Variants in OSBPL3 observed in about 807,000 individuals in gnomAD.
OSBPL3 encodes oxysterol-binding protein-related protein 3.
OSBPL3 carries 65 observed loss-of-function variants against 120.1 expected under a neutral mutation model. The observed-to-expected ratio is 0.54, with a 90% CI of 0.44 to 0.67. OSBPL3 has a LOEUF of 0.67. OSBPL3 is among the 30% of genes least tolerant of loss of function. The pLI, the probability that OSBPL3 is intolerant of heterozygous loss-of-function variation, is 0.00. For missense variants in OSBPL3, 1,004 were observed against 1,082.1 expected (o/e 0.93, Z 1.01); for synonymous variants, 416 against 402.6 (o/e 1.03, Z -0.40).
chr7:24,917,560 G>A (rs1003576909), intron 1 of OSBPL3, among the ~76,000 whole-genome samples: 26 of 151,394 alleles, frequency 1.7e-4, no homozygotes, highest in Non-Finnish European at 1.2e-4. Context: ...AGTTCTTAGA[G>A]AACAGACACA....
In OSBPL3 at chr7:24,936,527, T is replaced by A. The variant is rs373756721; in HGVS notation, c.-150+43359A>T. Among the ~76,000 whole-genome samples, 5 of 152,274 alleles carry A rather than the reference T, an allele frequency of 3.3e-5. No individual in the cohort carries two copies. The East Asian group carries it at 9.6e-4, about 29-fold the overall frequency. On this transcript the variant is annotated intron_variant, in intron 1 of 22. Transcript: ENST00000313367. This position sits in a 1 kb window ranked among gnomAD's most constrained non-coding sequence, Gnocchi z 4.2. ...GGAGAAGTAAACAGCCAATTCTGTCTAGGAGTGGGAAAGCAGAATGACTCT... is the reference window on the plus strand; with the variant it reads ...GGAGAAGTAAACAGCCAATTCTGTCAAGGAGTGGGAAAGCAGAATGACTCT...
At chr7:24,837,897 G>C (rs1416566806) in intron 14 of OSBPL3, among the ~76,000 whole-genome samples, 1 of 152,112 alleles carries the variant, frequency 6.6e-6, no homozygotes, top group African/African-American at 2.4e-5. Context: ...CATAGAGACA[G>C]GTCCTAATAT....
In OSBPL3 at chr7:24,804,502, C is replaced by G; in HGVS notation, c.2445-65G>C. 1 of 1,502,536 alleles carries G rather than the reference C, an allele frequency of 6.7e-7. No individual in the cohort carries two copies. The highest frequency in any genetic ancestry group is 1.2e-5 in the South Asian group (1 of 85,072). 93.1% of individuals were successfully genotyped at this position (1,502,536 alleles called of 1,614,324 possible). ...CAAGAAAACAAAACAATCATTACTA[C>G]TCAACTTGCATGTGTCCACGACTGG... On this transcript the variant is annotated intron_variant, in intron 21 of 22. Coordinates refer to ENST00000313367, the MANE Select transcript of OSBPL3 (RefSeq NM_015550.4). The surrounding 1 kb of genome is among the most constrained non-coding windows in gnomAD (Gnocchi z 5.4).
At chr7:24,906,165 G>A (rs1040945396) in intron 1 of OSBPL3, 10 of 198,392 alleles carry the variant, frequency 5.0e-5, no homozygotes, top group Middle Eastern at 1.5e-3. Flanking sequence ...GCATCATCAC[G>A]GAGCAGGTAG....
chr7:24,864,075 A>G (rs2128256293), intron 7 of OSBPL3, among the ~76,000 whole-genome samples: 1 of 152,328 alleles, frequency 6.6e-6, no homozygotes, highest in South Asian at 2.1e-4. Flanking sequence ...ATGCACATTA[A>G]TAAAACTAAA....
At chr7:24,828,606 G>GAAGAAAAAAAAAAAAAAAAAAA (rs1554349905) in intron 16 of OSBPL3, among the ~76,000 whole-genome samples, 1 of 32,522 alleles carries the variant, frequency 3.1e-5, no homozygotes. Context: ...GACTCTGTCT[G>GAAGAAAAAAAAAAAAAAAAAAA]AAAAAAAAAA....
rs1018043387 is a variant in OSBPL3, at chr7:24,802,383, G to A, written c.2567+1932C>T. On this transcript the variant is annotated intron_variant, in intron 22 of 22. Coordinates refer to ENST00000313367, the MANE Select transcript of OSBPL3 (RefSeq NM_015550.4). The surrounding 1 kb of genome is among the most constrained non-coding windows in gnomAD (Gnocchi z 4.1). ...GGACTGCTACTGCTGAACAACTCTC[G>A]CTCTTTCTCCAATTGAAAAAAATTT... Among the ~76,000 whole-genome samples, 1 of 152,054 alleles carries A rather than the reference G, an allele frequency of 6.6e-6. No individual in the cohort carries two copies. The highest frequency in any genetic ancestry group is 2.4e-5 in the African/African-American group (1 of 41,366).
Position 24,800,165 on chromosome 7 carries a change from T to A in OSBPL3, c.*18A>T, listed in dbSNP as rs764695475. On this transcript the variant is annotated 3_prime_UTR_variant, in exon 23 of 23. Coordinates refer to ENST00000313367, the MANE Select transcript of OSBPL3 (RefSeq NM_015550.4). ...GCACAGGAGAAATACACTAATGTTA[T>A]CTTTCTTCTTTACTTTTTCACCATA... 61 of 1,410,890 alleles carry A rather than the reference T, an allele frequency of 4.3e-5. No homozygotes were observed. The highest frequency in any genetic ancestry group is 5.6e-5 in the Non-Finnish European group (56 of 995,156). 87.4% of individuals were successfully genotyped at this position (1,410,890 alleles called of 1,614,324 possible). A position where few individuals can be genotyped will look rare whatever the true frequency, so the allele number is the denominator to read the frequency against.
chr7:24,867,511 T>C lies in OSBPL3; in HGVS notation c.382-1274A>G, dbSNP rs949088171. ...AGTCATTCCCATGGTGTTCTCGTGG[T>C]GGTGCGTGGGTCTCGCAAGATCTGG... On this transcript the variant is annotated intron_variant, in intron 5 of 22. Transcript: ENST00000313367. The surrounding 1 kb of genome is among the most constrained non-coding windows in gnomAD (Gnocchi z 4.5). Among the ~76,000 whole-genome samples, 2 of 152,146 alleles carry C rather than the reference T, an allele frequency of 1.3e-5. No individual in the cohort carries two copies. Among genetic ancestry groups the C allele is most frequent in the Admixed American group, 1.3e-4 (2 of 15,282 alleles).
Position 24,820,440 on chromosome 7 carries a change from C to G in OSBPL3, c.1885-202G>C, listed in dbSNP as rs1337923353. ...TCCCACTTGCTCAGATTGGTCAAGG[C>G]TGAGGGGAAGGCCCTTGAACGGAAG... On this transcript the variant is annotated intron_variant, in intron 16 of 22. Transcript: ENST00000313367. This position sits in a 1 kb window ranked among gnomAD's most constrained non-coding sequence, Gnocchi z 4.6. 4.6e-5 allele frequency among the ~76,000 whole-genome samples: 7 copies of G among 152,146 alleles called. No individual in the cohort carries two copies. Among genetic ancestry groups the G allele is most frequent in the African/African-American group, 1.2e-4 (5 of 41,426 alleles).
intron 1 of OSBPL3, among the ~76,000 whole-genome samples, chr7:24,917,454 C>CACATAT (rs1248305328): frequency 1.2e-5 from 1 of 84,558 alleles, no homozygotes. Context: ...TATACACACA[C>CACATAT]ATATATATAT....
chr7:24,884,005 CTAGAAAACTATAAGAACTATA>C (rs1310952938), intron 2 of OSBPL3, among the ~76,000 whole-genome samples: 5 of 152,028 alleles, frequency 3.3e-5, no homozygotes, highest in African/African-American at 1.2e-4. Context: ...AAATGAGAAT[CTAGAAAACTATAAGAACTATA>C]TAGTTAATTA....
At position 24,894,027 on chromosome 7, in the gene OSBPL3, TC is replaced by T; in HGVS notation, c.-149-1407del. Among the ~76,000 whole-genome samples, 1 of 152,128 alleles carries T rather than the reference TC, an allele frequency of 6.6e-6. No individual in the cohort carries two copies. The highest frequency in any genetic ancestry group is 1.5e-5 in the Non-Finnish European group (1 of 68,026). ...CTCCAACCCATTCCATTATTAATGT[TC>T]ACATAGTCTAATTATAAAAAGAAGA... On this transcript the variant is annotated intron_variant, in intron 1 of 22. Transcript: ENST00000313367. This position sits in a 1 kb window ranked among gnomAD's most constrained non-coding sequence, Gnocchi z 4.1.
chr7:24,815,000 G>C, intron 19 of OSBPL3, 59 bp downstream of exon 19: 1 of 1,549,418 alleles, frequency 6.5e-7, no homozygotes. Flanking sequence ...CTGTGCTCTG[G>C]GGCCCTGGCT....
chr7:24,801,084 T>C (rs1315539132), intron 22 of OSBPL3, among the ~76,000 whole-genome samples: 2 of 150,924 alleles, frequency 1.3e-5, no homozygotes, highest in African/African-American at 2.4e-5. Flanking sequence ...CTACTAAATA[T>C]ACAAAAATTA....
At position 24,934,804 on chromosome 7, in the gene OSBPL3, C is replaced by T. The variant is rs117122119; in HGVS notation, c.-149-42183G>A. Among the ~76,000 whole-genome samples the T allele has an allele frequency of 1.7e-3, 264 of 152,268 alleles. 2 individuals carry two copies. The highest frequency in any genetic ancestry group is 0.014 in the East Asian group (71 of 5,194). On this transcript the variant is annotated intron_variant, in intron 1 of 22. Coordinates refer to ENST00000313367, the MANE Select transcript of OSBPL3 (RefSeq NM_015550.4). ...GTCTTCTGTTCCTTGGCTTGGGATT[C>T]AACATCCTTGGACTTTTGGCAACAG...
At chr7:24,975,554 A>G (rs749312648) in intron 1 of OSBPL3, among the ~76,000 whole-genome samples, 3 of 152,204 alleles carry the variant, frequency 2.0e-5, no homozygotes, top group Non-Finnish European at 4.4e-5. Flanking sequence ...CAGTTACTAT[A>G]GATAGGACAC....
At chr7:24,801,657 A>T (rs1792374275) in intron 22 of OSBPL3, among the ~76,000 whole-genome samples, 1 of 152,234 alleles carries the variant, frequency 6.6e-6, no homozygotes, top group Non-Finnish European at 1.5e-5. Context: ...TCTCTGAAAT[A>T]CTGTTTTATT....
intron 10 of OSBPL3, among the ~76,000 whole-genome samples, chr7:24,860,744 T>C (rs949084948): frequency 6.6e-6 from 1 of 152,246 alleles, no homozygotes; most frequent in African/African-American, 2.4e-5. Context: ...CAAGTTGCTA[T>C]GTATATCAAT....
Sources: gnomAD v4.1 joint callset for allele counts (sites outside exome capture counted in the v4.1 genomes callset) on GRCh38, gnomAD v4.1.1 for gene constraint, Gnocchi (gnomAD v3.1) non-coding constraint, MANE v1.5 for transcripts, NCBI Gene and HGNC (gene_info 2026-07-23, HGNC 2026-07-21) for gene names.